The following RYR3 variants were observed in gnomAD, a reference collection of about 807,000 sequenced individuals.
RYR3 encodes ryanodine receptor 3, also known as brain ryanodine receptor-calcium release channel.
A neutral mutation model predicts 584.3 loss-of-function variants in RYR3; 207 were observed. The ratio of observed to expected loss-of-function variants is 0.35; its 90% CI spans 0.32 to 0.40. The LOEUF (loss-of-function observed/expected upper bound fraction) is 0.40, where lower values mean the gene tolerates loss of function less well. Ranked by LOEUF, RYR3 falls within the 10% of genes least tolerant of loss-of-function variation. The pLI is 1.00. For missense variants in RYR3, 5,616 were observed against 6,089.2 expected (o/e 0.92, Z 2.59); for synonymous variants, 2,416 against 2,248.5 (o/e 1.07, Z -2.11).
intron 85 of RYR3, 107 bp from the exon 86 acceptor site, chr15:33,830,856 A>C: frequency 8.4e-7 from 1 of 1,188,738 alleles, no homozygotes; most frequent in Non-Finnish European, 1.2e-6. Context: ...CTGTCAGAGC[A>C]AAGAGGTCAT....
chr15:33,342,973 T>C (rs1267718801), intron 1 of RYR3, among the ~76,000 whole-genome samples: 2 of 152,212 alleles, frequency 1.3e-5, no homozygotes, highest in South Asian at 2.1e-4. Context: ...AAAACTCGAT[T>C]GTTTTAAATG....
intron 49 of RYR3, 26 bp downstream of exon 49, chr15:33,736,351 T>G: frequency 6.7e-7 from 1 of 1,489,406 alleles, no homozygotes; most frequent in South Asian, 1.2e-5. Flanking sequence ...GTTACAGAAA[T>G]ACAGTCTATT....
chr15:33,426,925 C>T (rs1380872698), intron 1 of RYR3, among the ~76,000 whole-genome samples: 1 of 152,154 alleles, frequency 6.6e-6, no homozygotes, highest in Non-Finnish European at 1.5e-5. Context: ...GAGCTCTGGT[C>T]TTTCTGTCTA....
intron 49 of RYR3, among the ~76,000 whole-genome samples, chr15:33,737,124 C>T (rs560201975): frequency 2.6e-5 from 4 of 152,232 alleles, no homozygotes; most frequent in Non-Finnish European, 2.9e-5. Flanking sequence ...GACAGAGTCT[C>T]GCTCTTGTAC....
intron 14 of RYR3, 37 bp from the exon 15 acceptor site, chr15:33,584,358 C>A: frequency 4.2e-6 from 5 of 1,184,880 alleles, no homozygotes; most frequent in Non-Finnish European, 6.2e-6. Context: ...TCATTATATC[C>A]TTTAACCTCT....
intron 1 of RYR3, among the ~76,000 whole-genome samples, chr15:33,461,111 A>AT (rs1465741551): frequency 2.6e-5 from 4 of 151,300 alleles, no homozygotes; most frequent in Non-Finnish European, 5.9e-5. Context: ...CGCCCAGCTA[A>AT]TTTTTTGTAT....
Position 33,626,976 on chromosome 15 carries a change from C to T in RYR3, c.2575-1495C>T, listed in dbSNP as rs557278346. Among the ~76,000 whole-genome samples, 6 of 152,096 alleles carry T rather than the reference C, an allele frequency of 3.9e-5. No individual in the cohort carries two copies. In the East Asian group the frequency reaches 1.2e-3, roughly 29 times the overall value. On this transcript the variant is annotated intron_variant, in intron 20 of 103. Transcript: ENST00000634891. ...TGGAAGGAAAATGTGGGATTGAAGC[C>T]CCCACACAGAGTCCTCACTGGGACA...
chr15:33,431,340 A>G (rs2045126086), intron 1 of RYR3, among the ~76,000 whole-genome samples: 2 of 152,240 alleles, frequency 1.3e-5, no homozygotes, highest in Admixed American at 1.3e-4. Flanking sequence ...AAAAAAAAGT[A>G]TCACATACCT....
At chr15:33,342,379 A>G (rs1308052824) in intron 1 of RYR3, among the ~76,000 whole-genome samples, 2 of 152,234 alleles carry the variant, frequency 1.3e-5, no homozygotes, top group Non-Finnish European at 2.9e-5. Context: ...AAGTTAAGCC[A>G]TGTTCATTCT....
At chr15:33,320,945 C>T (rs114953066) in intron 1 of RYR3, among the ~76,000 whole-genome samples, 2,002 of 152,284 alleles carry the variant, frequency 0.013, 43 homozygotes, top group African/African-American at 0.046. Flanking sequence ...TGGCATTCTG[C>T]TTCACTCTAA....
In RYR3 at chr15:33,780,307, G is replaced by A. The variant is rs777159610; in HGVS notation, c.9234G>A (p.Ser3078=). Residue 3078 remains serine, a synonymous_variant, in exon 65 of 104, where the codon TCG becomes TCA. Coordinates refer to ENST00000634891, the MANE Select transcript of RYR3 (RefSeq NM_001036.6). ...EPTLNRYNPL[S]VFNTKTPRER... ...CCCTTAATCGCTACAATCCACTCTC[G>A]GTCTTCAACACCAAAACCCCCAGGG... The A allele has an allele frequency of 2.9e-5, 46 of 1,613,666 alleles. No individual in the cohort carries two copies. Among genetic ancestry groups the A allele is most frequent in the East Asian group, 6.7e-5 (3 of 44,876 alleles).
At chr15:33,538,441 A>T (rs2055519783) in intron 5 of RYR3, among the ~76,000 whole-genome samples, 1 of 152,156 alleles carries the variant, frequency 6.6e-6, no homozygotes, top group Admixed American at 6.6e-5. Flanking sequence ...TTTACTAATC[A>T]GGGTATAAAG....
intron 43 of RYR3, among the ~76,000 whole-genome samples, chr15:33,719,404 C>T (rs1029099308): frequency 1.3e-5 from 2 of 152,196 alleles, no homozygotes; most frequent in African/African-American, 2.4e-5. Context: ...ATGCCAATCA[C>T]TGTGGGAAAG....
At chr15:33,368,167 A>C (rs909911797) in intron 1 of RYR3, among the ~76,000 whole-genome samples, 1 of 152,136 alleles carries the variant, frequency 6.6e-6, no homozygotes, top group African/African-American at 2.4e-5. Context: ...AAGGTAAATC[A>C]CAAAAAGACG....
intron 65 of RYR3, among the ~76,000 whole-genome samples, chr15:33,781,657 A>C (rs973084227): frequency 4.6e-5 from 7 of 152,202 alleles, no homozygotes; most frequent in Non-Finnish European, 1.0e-4. Context: ...CACCAGGACA[A>C]TTCAGATAAG....
At chr15:33,637,107 C>A (rs1270366499) in intron 27 of RYR3, among the ~76,000 whole-genome samples, 1 of 152,206 alleles carries the variant, frequency 6.6e-6, no homozygotes, top group African/African-American at 2.4e-5. Context: ...GAATAGACCA[C>A]AGTCAGGGGC....
At chr15:33,855,504 G>A (rs1434590699) in intron 98 of RYR3, among the ~76,000 whole-genome samples, 2 of 152,080 alleles carry the variant, frequency 1.3e-5, no homozygotes, top group South Asian at 2.1e-4. Context: ...GTGCCCGGCC[G>A]GAGATCTTTT....
chr15:33,763,504 CAT>C (rs573263099), intron 60 of RYR3, among the ~76,000 whole-genome samples: 1,991 of 152,102 alleles, frequency 0.013, 25 homozygotes, highest in Non-Finnish European at 0.019. Flanking sequence ...GGCCAACAAA[CAT>C]ATGAAAAAAG....
intron 42 of RYR3, among the ~76,000 whole-genome samples, chr15:33,703,021 T>C (rs1033283988): frequency 6.6e-6 from 1 of 152,154 alleles, no homozygotes. Context: ...TTCCTCTAGC[T>C]GAGGCAGCCA....
Sources: allele counts gnomAD v4.1 joint callset (sites outside exome capture counted in the v4.1 genomes callset), GRCh38; gene constraint gnomAD v4.1.1; transcripts MANE v1.5; gene names NCBI Gene and HGNC (gene_info 2026-07-23, HGNC 2026-07-21).